HDAC4: variants seen among roughly 807,000 people sequenced by gnomAD.
HDAC4 encodes the protein histone deacetylase A.
Under a neutral mutation model 135.1 loss-of-function variants are expected in HDAC4, and 16 were observed. That is an observed-to-expected ratio of 0.12 (90% CI 0.08 to 0.18). The LOEUF is 0.18. Among genes scored for constraint, HDAC4 ranks in the 10% least tolerant of loss-of-function variants. The pLI, the probability that HDAC4 is intolerant of heterozygous loss-of-function variation, is 1.00. For missense variants in HDAC4, 1,143 were observed against 1,511.8 expected (o/e 0.76, Z 4.05); for synonymous variants, 685 against 653.4 (o/e 1.05, Z -0.74).
intron 4 of HDAC4, among the ~76,000 whole-genome samples, chr2:239,182,603 G>A (rs2044223759): frequency 6.6e-6 from 1 of 151,076 alleles, no homozygotes; most frequent in Non-Finnish European, 1.5e-5. Context: ...TCTCGGCTTC[G>A]CTACTTGTAG....
At chr2:239,153,567 G>C (rs3791499) in intron 7 of HDAC4, among the ~76,000 whole-genome samples, 1 of 152,082 alleles carries the variant, frequency 6.6e-6, no homozygotes, top group African/African-American at 2.4e-5. Flanking sequence ...TGGTTTAAAC[G>C]TTTTCTCGGA....
chr2:239,169,853 C>T (rs553523378), intron 5 of HDAC4, among the ~76,000 whole-genome samples: 140 of 152,310 alleles, frequency 9.2e-4, no homozygotes, highest in Non-Finnish European at 1.6e-3. Context: ...TGTCTGGAAG[C>T]GCTCCCCTGT....
intron 16 of HDAC4, 53 bp from the exon 17 acceptor site, chr2:239,095,109 C>T (rs1000542853): frequency 1.9e-5 from 30 of 1,603,448 alleles, no homozygotes; most frequent in Non-Finnish European, 2.4e-5. Context: ...GGCCAAGGTG[C>T]TCGACAGGCC....
At chr2:239,162,260 G>A (rs1201041000) in intron 6 of HDAC4, 3 of 455,490 alleles carry the variant, frequency 6.6e-6, no homozygotes, top group Admixed American at 4.7e-5. Flanking sequence ...TGCCTCACAG[G>A]GGGACCCAAG....
In HDAC4 at chr2:239,400,167, C is replaced by T. The variant is rs1696857426; in HGVS notation, c.-220+811G>A. On this transcript the variant is annotated intron_variant, in intron 1 of 26. Transcript: ENST00000543185. This position sits in a 1 kb window ranked among gnomAD's most constrained non-coding sequence, Gnocchi z 4.7. Reference sequence around the variant, plus strand: ...CCCGTCTCGGCCTGCTGGCGCCCTGCGGGCTGAGCCGAGCGGGTCCCGGGC... The same window carrying T: ...CCCGTCTCGGCCTGCTGGCGCCCTGTGGGCTGAGCCGAGCGGGTCCCGGGC... Among the ~76,000 whole-genome samples the T allele has an allele frequency of 6.6e-6, 1 of 151,806 alleles. No individual in the cohort carries two copies. Among genetic ancestry groups the T allele is most frequent in the South Asian group, 2.1e-4 (1 of 4,834 alleles).
At chr2:239,292,113 G>A (rs567826842) in intron 2 of HDAC4, among the ~76,000 whole-genome samples, 5 of 152,208 alleles carry the variant, frequency 3.3e-5, no homozygotes, top group Non-Finnish European at 7.4e-5. Flanking sequence ...GCCAGGGGCT[G>A]TGCTTGCCCA....
intron 3 of HDAC4, among the ~76,000 whole-genome samples, chr2:239,236,079 G>A (rs1221736174): frequency 6.6e-6 from 1 of 152,178 alleles, no homozygotes; most frequent in Non-Finnish European, 1.5e-5. Flanking sequence ...ATTACCTATG[G>A]AATGAAATAT....
At chr2:239,257,168 ATT>A (rs999956091) in intron 2 of HDAC4, among the ~76,000 whole-genome samples, 1 of 152,092 alleles carries the variant, frequency 6.6e-6, no homozygotes, top group Non-Finnish European at 1.5e-5. Context: ...TTATAGAAGA[ATT>A]TTGTTTTTGA....
At chr2:239,062,847 A>G (rs1420611599) in intron 24 of HDAC4, among the ~76,000 whole-genome samples, 1 of 152,238 alleles carries the variant, frequency 6.6e-6, no homozygotes, top group Non-Finnish European at 1.5e-5. Flanking sequence ...ACCATCCCTG[A>G]CCAGCAAAGA....
At chr2:239,164,528 A>G (rs1321096092) in intron 5 of HDAC4, among the ~76,000 whole-genome samples, 1 of 152,190 alleles carries the variant, frequency 6.6e-6, no homozygotes, top group Non-Finnish European at 1.5e-5. Context: ...TTCTTTTTCA[A>G]AGCCTCATTA....
At chr2:239,327,814 G>T (rs1200232201) in intron 2 of HDAC4, among the ~76,000 whole-genome samples, 1 of 152,176 alleles carries the variant, frequency 6.6e-6, no homozygotes, top group Non-Finnish European at 1.5e-5. Flanking sequence ...CATGGGCATG[G>T]CCAAGCCCTG....
In HDAC4 at chr2:239,277,662, C is replaced by T. The variant is rs561063737; in HGVS notation, c.23-40998G>A. 2.6e-5 allele frequency among the ~76,000 whole-genome samples: 4 copies of T among 152,208 alleles called. No homozygotes were observed. In the East Asian group the frequency reaches 5.8e-4, roughly 22 times the overall value. ...GTTCTAGCTGCCTAAAAGGGCCACACAGCCGCCCAGCCTGGTGTAGCCACA... is the reference window on the plus strand; with the variant it reads ...GTTCTAGCTGCCTAAAAGGGCCACATAGCCGCCCAGCCTGGTGTAGCCACA... On this transcript the variant is annotated intron_variant, in intron 2 of 26. Coordinates refer to ENST00000543185, the MANE Select transcript of HDAC4 (RefSeq NM_001378414.1).
chr2:239,197,836 TCACTAA>T (rs2045491992), intron 3 of HDAC4, among the ~76,000 whole-genome samples: 1 of 143,756 alleles, frequency 7.0e-6, no homozygotes, highest in Non-Finnish European at 1.5e-5. Flanking sequence ...TAATGATAGC[TCACTAA>T]AAGTTTGTGT....
intron 2 of HDAC4, among the ~76,000 whole-genome samples, chr2:239,302,646 C>A (rs1361668924): frequency 6.6e-6 from 1 of 152,246 alleles, no homozygotes; most frequent in African/African-American, 2.4e-5. Flanking sequence ...TGGCCCAGCC[C>A]CTCAACCCTC....
At chr2:239,274,212 T>C (rs551019224) in intron 2 of HDAC4, among the ~76,000 whole-genome samples, 1 of 152,324 alleles carries the variant, frequency 6.6e-6, no homozygotes, top group South Asian at 2.1e-4. Flanking sequence ...CTGTTCTGTT[T>C]TGCTGTTTAT....
In HDAC4 at chr2:239,115,237, T is replaced by C. The variant is rs1306214677; in HGVS notation, c.1607A>G (p.Glu536Gly). ...GGGCTCGTCCAGCAGAGCCTGGTGC[T>C]CACGGAGCTCCTCCTCCGTCTCCTC... is the stretch of plus-strand genomic sequence containing the variant. Reference protein sequence around the residue: ...HPEETEEELREHQALLDEPYL... With the variant: ...HPEETEEELRGHQALLDEPYL... The change falls in exon 13 of 27, where the codon GAG becomes GGG. Residue 536 changes from glutamate (E) to glycine (G), a missense_variant. By Grantham distance (98) the Glu-to-Gly change is moderately conservative. Around this residue, in one of 9 missense-constraint regions of HDAC4, gnomAD observed 196 missense variants for 210.7 expected, o/e 0.93. Transcript: ENST00000543185. The surrounding 1 kb of genome is among the most constrained non-coding windows in gnomAD (Gnocchi z 6.3). 1.9e-6 allele frequency: 3 copies of C among 1,612,668 alleles called. No individual in the cohort carries two copies. Among genetic ancestry groups the C allele is most frequent in the East Asian group, 2.2e-5 (1 of 44,860 alleles).
rs2051060019 is a variant in HDAC4, at chr2:239,285,103, C to A, written c.23-48439G>T. 6.6e-6 allele frequency among the ~76,000 whole-genome samples: 1 copy of A among 152,210 alleles called. No individual in the cohort carries two copies. The highest frequency in any genetic ancestry group is 6.5e-5 in the Admixed American group (1 of 15,286). On this transcript the variant is annotated intron_variant, in intron 2 of 26. Coordinates refer to ENST00000543185, the MANE Select transcript of HDAC4 (RefSeq NM_001378414.1). This position sits in a 1 kb window ranked among gnomAD's most constrained non-coding sequence, Gnocchi z 4.5. Reference sequence around the variant, plus strand: ...ACCCCACACCTAGACAATCTACAGTCTACCTTCATGGCAACCTGGAAGGCC... The same window carrying A: ...ACCCCACACCTAGACAATCTACAGTATACCTTCATGGCAACCTGGAAGGCC...
In HDAC4 at chr2:239,308,863, G is replaced by A. The variant is rs977196891; in HGVS notation, c.22+43815C>T. ...GGCAAGGCTGTCACAGGCGAAAGAC[G>A]GGTTCCCCTTCCTCTACACCCAAGC... On this transcript the variant is annotated intron_variant, in intron 2 of 26. Transcript: ENST00000543185. This position sits in a 1 kb window ranked among gnomAD's most constrained non-coding sequence, Gnocchi z 4.2. Among the ~76,000 whole-genome samples, 5 of 152,156 alleles carry A rather than the reference G, an allele frequency of 3.3e-5. No homozygotes were observed. The highest frequency in any genetic ancestry group is 6.5e-5 in the Admixed American group (1 of 15,276).
intron 2 of HDAC4, among the ~76,000 whole-genome samples, chr2:239,274,729 G>T (rs930080795): frequency 1.3e-5 from 2 of 152,138 alleles, no homozygotes; most frequent in Non-Finnish European, 2.9e-5. Context: ...CTGTCACCGT[G>T]ACTCAACGGA....
Sources: gnomAD v4.1 joint callset for allele counts (sites outside exome capture counted in the v4.1 genomes callset) on GRCh38, gnomAD v4.1.1 for gene constraint, gnomAD v4.1.1 regional missense constraint, Gnocchi (gnomAD v3.1) non-coding constraint, MANE v1.5 for transcripts, NCBI Gene and HGNC (gene_info 2026-07-23, HGNC 2026-07-21) for gene names.